Variants in TMEM30B observed in about 807,000 individuals in gnomAD.
TMEM30B encodes the protein cell cycle control protein 50B.
A neutral mutation model predicts 27.9 loss-of-function variants in TMEM30B; 25 were observed. The ratio of observed to expected loss-of-function variants is 0.89; its 90% CI spans 0.65 to 1.25. The LOEUF (loss-of-function observed/expected upper bound fraction) is 1.25, where lower values mean the gene tolerates loss of function less well. Ranked by LOEUF, TMEM30B falls within the 50% of genes most tolerant of loss-of-function variation. The pLI, the probability that TMEM30B is intolerant of heterozygous loss-of-function variation, is 0.00. For synonymous variants in TMEM30B, 248 were observed against 238.5 expected (o/e 1.04, Z -0.37); for missense variants, 536 against 506.5 (o/e 1.06, Z -0.56).
At position 61,280,671 on chromosome 14, in the gene TMEM30B, G is replaced by T; in HGVS notation, c.477C>A (p.Ile159=). Residue 159 remains isoleucine (I), a synonymous_variant, in exon 1 of 1, where the codon ATC becomes ATA. Transcript: ENST00000555868. The surrounding 1 kb of genome is among the most constrained non-coding windows in gnomAD (Gnocchi z 5.0). ...PYQRSAAGLP[I]APCGAIANSL... ...TGTTGGCGATGGCGCCGCAGGGCGC[G>T]ATGGGCAGGCCGGCCGCGCTGCGCT... The T allele has an allele frequency of 6.4e-7, 1 of 1,573,314 alleles. No individual in the cohort carries two copies. The highest frequency in any genetic ancestry group is 8.6e-7 in the Non-Finnish European group (1 of 1,161,184).
rs142725512 is a variant in TMEM30B, at chr14:61,280,814, A to C, written c.334T>G (p.Tyr112Asp). Residue 112 changes from tyrosine to aspartate, a missense_variant, in exon 1 of 1, where the codon TAC (tyrosine) becomes GAC (aspartate). Coordinates refer to ENST00000555868, the MANE Select transcript of TMEM30B (RefSeq NM_001017970.3). This position sits in a 1 kb window ranked among gnomAD's most constrained non-coding sequence, Gnocchi z 5.0. ...ELFQGPVYLY[Y>D]ELTNFYQNNR... is the part of the protein sequence containing the mutation. Reference sequence around the variant, plus strand: ...TTCTGGTAGAAGTTGGTCAGCTCGTAGTAGAGGTACACTGGGCCCTGGAAG... The same window carrying C: ...TTCTGGTAGAAGTTGGTCAGCTCGTCGTAGAGGTACACTGGGCCCTGGAAG... 2.0e-5 allele frequency: 31 copies of C among 1,564,600 alleles called. No individual in the cohort carries two copies. The highest frequency in any genetic ancestry group is 2.7e-5 in the Non-Finnish European group (31 of 1,164,286).
rs2045261263 is a variant in TMEM30B at position 61,281,117 on chromosome 14, G to T, written c.31C>A (p.His11Asn). ...GTGAAGGCGGTGTTGTCGGGCTGGTGGGCGCCCCGGGCCGTGGCGCTCCAG... is the reference window on the plus strand; with the variant it reads ...GTGAAGGCGGTGTTGTCGGGCTGGTTGGCGCCCCGGGCCGTGGCGCTCCAG... The part of the protein sequence containing the change: MTWSATARGA[H>N]QPDNTAFTQQ... Residue 11 changes from histidine (H) to asparagine (N), a missense_variant, in exon 1 of 1, where the codon CAC becomes AAC. Coordinates refer to ENST00000555868, the MANE Select transcript of TMEM30B (RefSeq NM_001017970.3). 1.4e-6 allele frequency: 2 copies of T among 1,423,966 alleles called. No homozygotes were observed. Among genetic ancestry groups the T allele is most frequent in the Non-Finnish European group, 1.8e-6 (2 of 1,091,604 alleles). 88.2% of individuals were successfully genotyped at this position (1,423,966 alleles called of 1,614,324 possible). A position where few individuals can be genotyped will look rare whatever the true frequency, so the allele number is the denominator to read the frequency against.
Position 61,280,731 on chromosome 14 carries a change from C to T in TMEM30B, c.417G>A (p.Ala139=). The change falls in exon 1 of 1, where the codon GCG becomes GCA. Residue 139 remains alanine (A), a synonymous_variant. Transcript: ENST00000555868. The surrounding 1 kb of genome is among the most constrained non-coding windows in gnomAD (Gnocchi z 5.0). ...DDAQLSGLPS[A]LRHPVNECAP... Reference sequence around the variant, plus strand: ...CGCACTCGTTGACAGGGTGGCGCAGCGCGCTGGGGAGTCCGCTCAGCTGCG... The same window carrying T: ...CGCACTCGTTGACAGGGTGGCGCAGTGCGCTGGGGAGTCCGCTCAGCTGCG... The T allele has an allele frequency of 6.4e-7, 1 of 1,574,396 alleles. No individual in the cohort carries two copies. The highest frequency in any genetic ancestry group is 8.6e-7 in the Non-Finnish European group (1 of 1,165,270).
Position 61,279,608 on chromosome 14 carries a change from A to T in TMEM30B, c.*484T>A. The T allele has an allele frequency of 6.5e-6, 1 of 154,534 alleles. No individual in the cohort carries two copies. The highest frequency in any genetic ancestry group is 1.4e-5 in the Non-Finnish European group (1 of 69,774). 9.6% of individuals were successfully genotyped at this position (154,534 alleles called of 1,614,324 possible). A position where few individuals can be genotyped will look rare whatever the true frequency, so the allele number is the denominator to read the frequency against. On this transcript the variant is annotated 3_prime_UTR_variant, in exon 1 of 1. Coordinates refer to ENST00000555868, the MANE Select transcript of TMEM30B (RefSeq NM_001017970.3). ...CTCACGCCTCCACGTCTCTGCAGGTAATTTGTGGGCCTCACTCTCCATTCC... is the reference window on the plus strand; with the variant it reads ...CTCACGCCTCCACGTCTCTGCAGGTTATTTGTGGGCCTCACTCTCCATTCC...
Position 61,277,961 on chromosome 14 carries a change from T to C in TMEM30B, c.*2131A>G, listed in dbSNP as rs1329260815. ...CCTTTAAGATCATCGTTCAAAAGAA[T>C]TCAGCAAACTCGATAACAAAGGTAA... On this transcript the variant is annotated 3_prime_UTR_variant, in exon 1 of 1. Transcript: ENST00000555868. 1 of 152,198 alleles carries C rather than the reference T, an allele frequency of 6.6e-6. No homozygotes were observed. The highest frequency in any genetic ancestry group is 1.5e-5 in the Non-Finnish European group (1 of 68,018). The allele number at this position is 152,198 out of a possible 1,614,324, so 9.4% of individuals were successfully genotyped here. A position where few individuals can be genotyped will look rare whatever the true frequency, so the allele number is the denominator to read the frequency against.
chr14:61,279,924 A>G lies in TMEM30B; in HGVS notation c.*168T>C, dbSNP rs1301017888. 1.6e-6 allele frequency: 1 copy of G among 635,788 alleles called. No individual in the cohort carries two copies. Among genetic ancestry groups the G allele is most frequent in the African/African-American group, 1.8e-5 (1 of 54,398 alleles). The allele number at this position is 635,788 out of a possible 1,614,324, so 39.4% of individuals were successfully genotyped here. A position where few individuals can be genotyped will look rare whatever the true frequency, so the allele number is the denominator to read the frequency against. Reference sequence around the variant, plus strand: ...ATCCCTCCCCGCGGCAAGACAGTCTAGCAGCCCCCCAAGAGCAAGGGGGGT... The same window carrying G: ...ATCCCTCCCCGCGGCAAGACAGTCTGGCAGCCCCCCAAGAGCAAGGGGGGT... On this transcript the variant is annotated 3_prime_UTR_variant, in exon 1 of 1. Coordinates refer to ENST00000555868, the MANE Select transcript of TMEM30B (RefSeq NM_001017970.3).
At position 61,281,099 on chromosome 14, in the gene TMEM30B, C is replaced by T. The variant is rs2045260941; in HGVS notation, c.49G>A (p.Ala17Thr). The stretch of plus-strand genomic sequence containing the variant: ...GCGGGGAGGCGCTGCTGAGTGAAGG[C>T]GGTGTTGTCGGGCTGGTGGGCGCCC... The part of the protein sequence containing the change: ...ARGAHQPDNT[A>T]FTQQRLPAWQ... The change falls in exon 1 of 1, where the codon GCC becomes ACC. Residue 17 changes from alanine (A) to threonine (T), a missense_variant. Coordinates refer to ENST00000555868, the MANE Select transcript of TMEM30B (RefSeq NM_001017970.3). The T allele has an allele frequency of 2.0e-6, 3 of 1,475,986 alleles. No homozygotes were observed. In the Admixed American group the frequency reaches 7.1e-5, roughly 35 times the overall value. The allele number at this position is 1,475,986 out of a possible 1,614,324, so 91.4% of individuals were successfully genotyped here. A position where few individuals can be genotyped will look rare whatever the true frequency, so the allele number is the denominator to read the frequency against.
rs2045258981 is a variant in TMEM30B, at chr14:61,281,006, C to T, written c.142G>A (p.Gly48Ser). The change falls in exon 1 of 1, where the codon GGC becomes AGC. Residue 48 changes from glycine to serine, a missense_variant. Gly to Ser is a moderately conservative substitution (Grantham distance 56). Coordinates refer to ENST00000555868, the MANE Select transcript of TMEM30B (RefSeq NM_001017970.3). ...LFFCAGLAFI[G>S]LGLGLYYSSN... ...GAGTAGTAGAGGCCCAGGCCCAGGC[C>T]GATGAAGGCCAGGCCCGCGCAGAAG... The T allele has an allele frequency of 1.9e-6, 3 of 1,539,208 alleles. No individual in the cohort carries two copies. The highest frequency in any genetic ancestry group is 2.6e-6 in the Non-Finnish European group (3 of 1,145,182).
rs1225996721 is a variant in TMEM30B at position 61,280,169 on chromosome 14, G to A, written c.979C>T (p.Leu327Phe). The change falls in exon 1 of 1, where the codon CTC becomes TTC. Residue 327 changes from leucine to phenylalanine, a missense_variant. Transcript: ENST00000555868. This position sits in a 1 kb window ranked among gnomAD's most constrained non-coding sequence, Gnocchi z 5.0. ...ATGACAAAGCCGGTGAGGATGCAGA[G>A]GGAGCCGACGACCAGGTAGGCGATG... ...LGIAYLVVGSLCILTGFVMLV... is the reference protein window; with the variant it reads ...LGIAYLVVGSFCILTGFVMLV... 3 of 1,614,174 alleles carry A rather than the reference G, an allele frequency of 1.9e-6. No individual in the cohort carries two copies. In the South Asian group the frequency reaches 3.3e-5, roughly 18 times the overall value.
In TMEM30B at chr14:61,278,083, T is replaced by C. The variant is rs1274207252; in HGVS notation, c.*2009A>G. On this transcript the variant is annotated 3_prime_UTR_variant, in exon 1 of 1. Transcript: ENST00000555868. Reference sequence around the variant, plus strand: ...CAGAATCAGAATACTTTAACTTTCATAGTCTCATTTAAAATTTTATAGCAA... The same window carrying C: ...CAGAATCAGAATACTTTAACTTTCACAGTCTCATTTAAAATTTTATAGCAA... 4 of 152,220 alleles carry C rather than the reference T, an allele frequency of 2.6e-5. No homozygotes were observed. The highest frequency in any genetic ancestry group is 5.9e-5 in the Non-Finnish European group (4 of 68,028). 9.4% of individuals were successfully genotyped at this position (152,220 alleles called of 1,614,324 possible).
chr14:61,281,152 G>A lies in TMEM30B; in HGVS notation c.-5C>T, dbSNP rs2045261938. On this transcript the variant is annotated 5_prime_UTR_variant, in exon 1 of 1. Coordinates refer to ENST00000555868, the MANE Select transcript of TMEM30B (RefSeq NM_001017970.3). Reference sequence around the variant, plus strand: ...GGCCGTGGCGCTCCAGGTCATGGCGGCCGCGCGGGGACCGACGCGCGGGCT... The same window carrying A: ...GGCCGTGGCGCTCCAGGTCATGGCGACCGCGCGGGGACCGACGCGCGGGCT... 4 of 1,338,062 alleles carry A rather than the reference G, an allele frequency of 3.0e-6. No homozygotes were observed. The highest frequency in any genetic ancestry group is 4.1e-5 in the Admixed American group (1 of 24,460). The allele number at this position is 1,338,062 out of a possible 1,614,324, so 82.9% of individuals were successfully genotyped here. A position where few individuals can be genotyped will look rare whatever the true frequency, so the allele number is the denominator to read the frequency against.
chr14:61,281,224 G>C lies in TMEM30B; in HGVS notation c.-77C>G, dbSNP rs1239002843. Reference sequence around the variant, plus strand: ...CGGGGCGCCTCCCTCTCCGCGCCGCGCAAGCCCGGGGACTGCTCGCGGGTC... The same window carrying C: ...CGGGGCGCCTCCCTCTCCGCGCCGCCCAAGCCCGGGGACTGCTCGCGGGTC... On this transcript the variant is annotated 5_prime_UTR_variant, in exon 1 of 1. Coordinates refer to ENST00000555868, the MANE Select transcript of TMEM30B (RefSeq NM_001017970.3). 20 of 967,762 alleles carry C rather than the reference G, an allele frequency of 2.1e-5. No homozygotes were observed. Among genetic ancestry groups the C allele is most frequent in the Non-Finnish European group, 2.3e-5 (17 of 735,570 alleles). The allele number at this position is 967,762 out of a possible 1,614,324, so 59.9% of individuals were successfully genotyped here. A position where few individuals can be genotyped will look rare whatever the true frequency, so the allele number is the denominator to read the frequency against.
At position 61,280,236 on chromosome 14, in the gene TMEM30B, G is replaced by A. The variant is rs1283899336; in HGVS notation, c.912C>T (p.Phe304=). ...RAFGGHKLLI[F]SSISWMGGKN... ...TGCCACCCATCCACGAGATGCTGCTGAAGATGAGGAGCTTGTGGCCGCCGA... is the reference window on the plus strand; with the variant it reads ...TGCCACCCATCCACGAGATGCTGCTAAAGATGAGGAGCTTGTGGCCGCCGA... Residue 304 remains phenylalanine (F), a synonymous_variant, in exon 1 of 1, where the codon TTC becomes TTT. Transcript: ENST00000555868. This position sits in a 1 kb window ranked among gnomAD's most constrained non-coding sequence, Gnocchi z 5.0. The A allele has an allele frequency of 6.2e-7, 1 of 1,614,146 alleles. No homozygotes were observed. Among genetic ancestry groups the A allele is most frequent in the Non-Finnish European group, 8.5e-7 (1 of 1,180,002 alleles).
chr14:61,279,867 A>T lies in TMEM30B; in HGVS notation c.*225T>A. The T allele has an allele frequency of 1.8e-6, 1 of 556,892 alleles. No individual in the cohort carries two copies. Among genetic ancestry groups the T allele is most frequent in the Non-Finnish European group, 3.2e-6 (1 of 314,260 alleles). The allele number at this position is 556,892 out of a possible 1,614,324, so 34.5% of individuals were successfully genotyped here. On this transcript the variant is annotated 3_prime_UTR_variant, in exon 1 of 1. Coordinates refer to ENST00000555868, the MANE Select transcript of TMEM30B (RefSeq NM_001017970.3). ...TCAGTGTCGTGAAGGAGGTGGGAAGAGTTTGCAAGGATGTTTCACTCTGCA... is the reference window on the plus strand; with the variant it reads ...TCAGTGTCGTGAAGGAGGTGGGAAGTGTTTGCAAGGATGTTTCACTCTGCA...
At position 61,280,734 on chromosome 14, in the gene TMEM30B, G is replaced by T; in HGVS notation, c.414C>A (p.Ser138Arg). 1 of 1,574,714 alleles carries T rather than the reference G, an allele frequency of 6.4e-7. No homozygotes were observed. Among genetic ancestry groups the T allele is most frequent in the South Asian group, 1.1e-5 (1 of 86,976 alleles). Residue 138 changes from serine (S) to arginine (R), a missense_variant, in exon 1 of 1, where the codon AGC (serine) becomes AGA (arginine). Coordinates refer to ENST00000555868, the MANE Select transcript of TMEM30B (RefSeq NM_001017970.3). The surrounding 1 kb of genome is among the most constrained non-coding windows in gnomAD (Gnocchi z 5.0). ...RDDAQLSGLP[S>R]ALRHPVNECA... is the part of the protein sequence containing the mutation. ...ACTCGTTGACAGGGTGGCGCAGCGC[G>T]CTGGGGAGTCCGCTCAGCTGCGCGT...
rs1306954474 is a variant in TMEM30B at position 61,281,060 on chromosome 14, G to GCA, written c.86_87dup (p.Leu30CysfsTer86). ...AGCGGCAGCGCGATGCTGGCCGACA[G>GCA]CAGCGGCTGCCAGGCGGGGAGGCGC... On this transcript the variant is annotated frameshift_variant, in exon 1 of 1. Coordinates refer to ENST00000555868, the MANE Select transcript of TMEM30B (RefSeq NM_001017970.3). LOFTEE classifies it high-confidence loss of function. 6.6e-7 allele frequency: 1 copy of GCA among 1,520,998 alleles called. No individual in the cohort carries two copies. The highest frequency in any genetic ancestry group is 2.1e-5 in the Admixed American group (1 of 48,774). 94.2% of individuals were successfully genotyped at this position (1,520,998 alleles called of 1,614,324 possible).
rs1193844816 is a variant in TMEM30B at position 61,281,012 on chromosome 14, A to G, written c.136T>C (p.Phe46Leu). ...LPLFFCAGLA[F>L]IGLGLGLYYS... ...TAGAGGCCCAGGCCCAGGCCGATGA[A>G]GGCCAGGCCCGCGCAGAAGAAGAGC... Residue 46 changes from phenylalanine to leucine, a missense_variant, in exon 1 of 1, where the codon TTC becomes CTC. Phe to Leu is a conservative substitution (Grantham distance 22, BLOSUM62 0). Coordinates refer to ENST00000555868, the MANE Select transcript of TMEM30B (RefSeq NM_001017970.3). 1 of 1,537,032 alleles carries G rather than the reference A, an allele frequency of 6.5e-7. No homozygotes were observed. Among genetic ancestry groups the G allele is most frequent in the Non-Finnish European group, 8.7e-7 (1 of 1,144,284 alleles).
At position 61,280,731 on chromosome 14, in the gene TMEM30B, C is replaced by G. The variant is rs2045252658; in HGVS notation, c.417G>C (p.Ala139=). 6.4e-7 allele frequency: 1 copy of G among 1,574,396 alleles called. No individual in the cohort carries two copies. Among genetic ancestry groups the G allele is most frequent in the South Asian group, 1.1e-5 (1 of 86,964 alleles). Reference sequence around the variant, plus strand: ...CGCACTCGTTGACAGGGTGGCGCAGCGCGCTGGGGAGTCCGCTCAGCTGCG... The same window carrying G: ...CGCACTCGTTGACAGGGTGGCGCAGGGCGCTGGGGAGTCCGCTCAGCTGCG... ...DDAQLSGLPS[A]LRHPVNECAP... Residue 139 remains alanine (A), a synonymous_variant, in exon 1 of 1, where the codon GCG becomes GCC. Transcript: ENST00000555868. This position sits in a 1 kb window ranked among gnomAD's most constrained non-coding sequence, Gnocchi z 5.0.
rs781269277 is a variant in TMEM30B, at chr14:61,280,574, C to A, written c.574G>T (p.Asp192Tyr). ...GTCCACCAGGCGATGCCGGAGCGGT[C>A]GAGCGGCACCTCGACGTAGGGCCCG... Reference protein sequence around the residue: ...PGGPYVEVPLDRSGIAWWTDY... With the variant: ...PGGPYVEVPLYRSGIAWWTDY... The change falls in exon 1 of 1, where the codon GAC becomes TAC. Residue 192 changes from aspartate to tyrosine, a missense_variant. By Grantham distance (160) the Asp-to-Tyr change is radical. Transcript: ENST00000555868. The surrounding 1 kb of genome is among the most constrained non-coding windows in gnomAD (Gnocchi z 5.0). 1.2e-6 allele frequency: 2 copies of A among 1,603,560 alleles called. No homozygotes were observed. The highest frequency in any genetic ancestry group is 1.7e-6 in the Non-Finnish European group (2 of 1,175,554).
Sources: gnomAD v4.1 joint callset for allele counts on GRCh38, gnomAD v4.1.1 for gene constraint, Gnocchi (gnomAD v3.1) non-coding constraint, MANE v1.5 for transcripts, NCBI Gene and HGNC (gene_info 2026-07-23, HGNC 2026-07-21) for gene names.